The following ANKS1B variants were observed in gnomAD, a reference collection of about 807,000 sequenced individuals.
ANKS1B encodes the protein ankyrin repeat and sterile alpha motif domain-containing protein 1B.
In ANKS1B, 36 loss-of-function variants were observed where a neutral mutation model predicts 148.3. The observed-to-expected ratio is 0.24, with a 90% CI of 0.19 to 0.32. The LOEUF is 0.32. ANKS1B is among the 10% of genes least tolerant of loss of function. The pLI is 1.00. For synonymous variants in ANKS1B, 542 were observed against 560.8 expected (o/e 0.97, Z 0.47); for missense variants, 1,157 against 1,542.6 (o/e 0.75, Z 4.19).
chr12:99,209,187 T>A (rs2083037793), intron 14 of ANKS1B, among the ~76,000 whole-genome samples: 1 of 152,192 alleles, frequency 6.6e-6, no homozygotes, highest in South Asian at 2.1e-4. Flanking sequence ...AATTTGAGAT[T>A]CCTTATTAAA....
chr12:98,877,964 A>G (rs1477018317), intron 17 of ANKS1B, among the ~76,000 whole-genome samples: 1 of 152,166 alleles, frequency 6.6e-6, no homozygotes, highest in African/African-American at 2.4e-5. Flanking sequence ...CTGCCTTTAA[A>G]TAGCTTACAA....
At chr12:99,167,211 C>A (rs1399357475) in intron 14 of ANKS1B, among the ~76,000 whole-genome samples, 1 of 151,640 alleles carries the variant, frequency 6.6e-6, no homozygotes, top group Non-Finnish European at 1.5e-5. Flanking sequence ...CAGTAGGCAC[C>A]AGAAGTACAA....
chr12:99,579,681 T>C (rs1217643013), intron 9 of ANKS1B, among the ~76,000 whole-genome samples: 1 of 152,074 alleles, frequency 6.6e-6, no homozygotes, highest in East Asian at 1.9e-4. Flanking sequence ...ATGACTATTA[T>C]TAAAAAGGCA....
chr12:99,694,353 C>T (rs2053581224), intron 8 of ANKS1B, among the ~76,000 whole-genome samples: 2 of 150,900 alleles, frequency 1.3e-5, no homozygotes, highest in South Asian at 2.1e-4. Flanking sequence ...GCAGAAGAAT[C>T]GCTTGAACCC....
intron 9 of ANKS1B, among the ~76,000 whole-genome samples, chr12:99,623,287 A>G (rs1157891682): frequency 1.3e-5 from 2 of 151,846 alleles, no homozygotes; most frequent in Non-Finnish European, 2.9e-5. Flanking sequence ...TAACAAACCC[A>G]CAGCTAACAT....
intron 14 of ANKS1B, among the ~76,000 whole-genome samples, chr12:99,223,466 C>G (rs138951450): frequency 6.6e-6 from 1 of 151,982 alleles, no homozygotes; most frequent in Non-Finnish European, 1.5e-5. Context: ...TAGATGGTCC[C>G]ATCTGGGGGT....
At chr12:99,346,986 G>A (rs748562436) in intron 12 of ANKS1B, among the ~76,000 whole-genome samples, 2 of 151,950 alleles carry the variant, frequency 1.3e-5, no homozygotes, top group African/African-American at 4.8e-5. Context: ...CTTAATGGTG[G>A]TCCTGAAGAA....
chr12:99,171,911 G>C (rs908015351), intron 14 of ANKS1B, among the ~76,000 whole-genome samples: 1 of 152,080 alleles, frequency 6.6e-6, no homozygotes, highest in Non-Finnish European at 1.5e-5. Flanking sequence ...CAGCCTCAAA[G>C]ATTTTAGAGT....
At chr12:98,774,727 C>A (rs1202695994) in intron 24 of ANKS1B, among the ~76,000 whole-genome samples, 1 of 152,214 alleles carries the variant, frequency 6.6e-6, no homozygotes, top group Non-Finnish European at 1.5e-5. Context: ...TCCCTGCCAG[C>A]ACCCCCAGCA....
At chr12:98,988,793 C>G (rs1461330146) in intron 17 of ANKS1B, among the ~76,000 whole-genome samples, 8 of 152,142 alleles carry the variant, frequency 5.3e-5, no homozygotes, top group African/African-American at 1.9e-4. Context: ...AATAGCCATT[C>G]TAACAGGTAT....
chr12:99,698,934 G>A (rs961683548), intron 8 of ANKS1B, among the ~76,000 whole-genome samples: 1 of 151,300 alleles, frequency 6.6e-6, no homozygotes, highest in Admixed American at 6.6e-5. Context: ...ATCTTATCTA[G>A]CTTGTTTTCT....
chr12:99,779,205 A>C (rs969444773), intron 6 of ANKS1B, among the ~76,000 whole-genome samples: 2 of 152,272 alleles, frequency 1.3e-5, no homozygotes, highest in African/African-American at 4.8e-5. Context: ...CTTTCAATAG[A>C]GCTAATGACT....
chr12:99,209,847 C>T (rs143358381), intron 14 of ANKS1B, among the ~76,000 whole-genome samples: 13 of 152,222 alleles, frequency 8.5e-5, no homozygotes, highest in African/African-American at 2.9e-4. Flanking sequence ...AAACCCCTTC[C>T]CGGCAAGAGA....
intron 10 of ANKS1B, among the ~76,000 whole-genome samples, chr12:99,466,102 T>A (rs374525686): frequency 0.025 from 3,815 of 152,254 alleles, 77 homozygotes; most frequent in South Asian, 0.08. Context: ...CAGACCACAG[T>A]GCAATCAAAC....
chr12:98,895,009 G>A, intron 17 of ANKS1B: 7 of 821,686 alleles, frequency 8.5e-6, no homozygotes, highest in Non-Finnish European at 1.0e-5. Flanking sequence ...CGGCGGCGGC[G>A]CGTCCTCCCC....
chr12:99,280,713 ATGT>A (rs766100456), intron 12 of ANKS1B, among the ~76,000 whole-genome samples: 1 of 152,054 alleles, frequency 6.6e-6, no homozygotes, highest in Non-Finnish European at 1.5e-5. Flanking sequence ...TTGGGCTAAG[ATGT>A]TGTTTTCTTT....
intron 17 of ANKS1B, among the ~76,000 whole-genome samples, chr12:98,932,840 C>A (rs2099814916): frequency 6.6e-6 from 1 of 152,160 alleles, no homozygotes; most frequent in African/African-American, 2.4e-5. Context: ...CCTCTTAATG[C>A]AGCTCTGGTA....
chr12:98,858,499 TGCCTG>T (rs1270630100), intron 17 of ANKS1B, among the ~76,000 whole-genome samples: 1 of 152,160 alleles, frequency 6.6e-6, no homozygotes, highest in Non-Finnish European at 1.5e-5. Context: ...CATGCTACCA[TGCCTG>T]GCTGTTTGTA....
intron 17 of ANKS1B, among the ~76,000 whole-genome samples, chr12:98,898,883 C>T (rs2099768440): frequency 6.6e-6 from 1 of 152,138 alleles, no homozygotes; most frequent in South Asian, 2.1e-4. Context: ...TACAGGTCAT[C>T]AAGAATGCAA....
Sources: allele counts gnomAD v4.1 joint callset (sites outside exome capture counted in the v4.1 genomes callset), GRCh38; gene constraint gnomAD v4.1.1; transcripts MANE v1.5; gene names NCBI Gene and HGNC (gene_info 2026-07-23, HGNC 2026-07-21).